The following CAST variants were observed in gnomAD, a reference collection of about 807,000 sequenced individuals.
The protein encoded by CAST is calpastatin.
In CAST, 76 loss-of-function variants were observed where a neutral mutation model predicts 119.6. The observed-to-expected ratio is 0.64, with a 90% CI of 0.53 to 0.77. The LOEUF (loss-of-function observed/expected upper bound fraction) is 0.77, where lower values mean the gene tolerates loss of function less well. Among genes scored for constraint, CAST ranks in the 30% least tolerant of loss-of-function variants. The probability of loss-of-function intolerance (pLI) is 0.00; values close to 1 mark genes in which losing one functional copy is unlikely to be tolerated. For missense variants in CAST, 953 were observed against 946.5 expected, an observed-to-expected ratio of 1.01 and a Z score of -0.09; for synonymous variants, 319 against 331.6, an observed-to-expected ratio of 0.96 and a Z score of 0.41.
the CAST span, among the ~76,000 whole-genome samples, chr5:96,009,225 A>G: frequency 6.6e-6 from 1 of 152,164 alleles, no homozygotes; most frequent in African/African-American, 2.4e-5. Context: ...ATTAGCATCT[A>G]GGTTGGTTTA....
intron 1 of CAST, among the ~76,000 whole-genome samples, chr5:96,655,798 A>T (rs1433923008): frequency 6.6e-6 from 1 of 152,266 alleles, no homozygotes; most frequent in African/African-American, 2.4e-5. Context: ...ATATCAGAAT[A>T]TGCTGCCACT....
the CAST span, among the ~76,000 whole-genome samples, chr5:95,980,005 C>G: frequency 6.6e-6 from 1 of 152,012 alleles, no homozygotes; most frequent in African/African-American, 2.4e-5. Flanking sequence ...GTAATCCCAG[C>G]TACTTGGGAG....
the CAST span, among the ~76,000 whole-genome samples, chr5:96,094,829 G>A: frequency 6.6e-6 from 1 of 152,274 alleles, no homozygotes; most frequent in Admixed American, 6.5e-5. Flanking sequence ...TTGGACTTGT[G>A]TATTACAACA....
At chr5:96,605,983 C>T (rs775213104) in intron 1 of CAST, among the ~76,000 whole-genome samples, 19 of 152,090 alleles carry the variant, frequency 1.2e-4, no homozygotes, top group African/African-American at 1.9e-4. Context: ...CTGCTACTGG[C>T]GGTAAGATTT....
At chr5:96,769,656 T>G (rs1771509869) in intron 29 of CAST, 1 of 151,990 alleles carries the variant, frequency 6.6e-6, no homozygotes, top group Non-Finnish European at 1.5e-5. Context: ...ACCTTAGTCC[T>G]CATGTTATAC....
chr5:96,000,886 T>A, the CAST span, among the ~76,000 whole-genome samples: 1 of 152,166 alleles, frequency 6.6e-6, no homozygotes, highest in Admixed American at 6.5e-5. Flanking sequence ...ATTCTTAGAG[T>A]GGGGACTGTT....
the CAST span, among the ~76,000 whole-genome samples, chr5:95,963,302 C>T: frequency 2.6e-5 from 4 of 152,170 alleles, no homozygotes; most frequent in South Asian, 2.1e-4. Context: ...TAAATGCCTT[C>T]CCCACCGTAC....
At chr5:96,695,153 C>T (rs1753127587) in intron 2 of CAST, among the ~76,000 whole-genome samples, 1 of 152,170 alleles carries the variant, frequency 6.6e-6, no homozygotes, top group Admixed American at 6.5e-5. Context: ...GTTCCTCAGT[C>T]CCCTCACCCA....
chr5:96,176,935 C>G, the CAST span, among the ~76,000 whole-genome samples: 1 of 152,120 alleles, frequency 6.6e-6, no homozygotes, highest in African/African-American at 2.4e-5. Flanking sequence ...TGTCATAGAA[C>G]TTTTTGGAAA....
chr5:96,682,296 C>T (rs1436701271), intron 2 of CAST, among the ~76,000 whole-genome samples: 1 of 152,134 alleles, frequency 6.6e-6, no homozygotes, highest in Non-Finnish European at 1.5e-5. Flanking sequence ...GAAGTTTGCC[C>T]CCCACATATT....
the CAST span, among the ~76,000 whole-genome samples, chr5:96,244,383 G>A: frequency 6.6e-6 from 1 of 152,078 alleles, no homozygotes; most frequent in East Asian, 1.9e-4. Context: ...ATATAGTGTT[G>A]TATTGTTCTG....
At chr5:96,397,729 G>T in the CAST span, among the ~76,000 whole-genome samples, 1 of 152,048 alleles carries the variant, frequency 6.6e-6, no homozygotes, top group Non-Finnish European at 1.5e-5. Context: ...ATGAATGAAT[G>T]AATGAAAATG....
intron 1 of CAST, among the ~76,000 whole-genome samples, chr5:96,671,682 T>C (rs1750093412): frequency 6.6e-6 from 1 of 152,218 alleles, no homozygotes; most frequent in Non-Finnish European, 1.5e-5. Context: ...TGTTAATTTC[T>C]TTTCTGTAAT....
At chr5:95,995,878 C>A in the CAST span, among the ~76,000 whole-genome samples, 8 of 152,234 alleles carry the variant, frequency 5.3e-5, no homozygotes, top group Admixed American at 2.0e-4. Context: ...CAGTAAGAAG[C>A]CATGGAGCAG....
At chr5:96,173,750 CT>C in the CAST span, among the ~76,000 whole-genome samples, 9 of 146,856 alleles carry the variant, frequency 6.1e-5, no homozygotes, top group Admixed American at 6.7e-5. Flanking sequence ...TTTTTTTTTT[CT>C]TTTTTTTTTG....
rs562354067 is a variant in CAST at position 96,698,220 on chromosome 5, A to G, written c.210+2313A>G. On this transcript the variant is annotated intron_variant, in intron 3 of 31. Coordinates refer to ENST00000675179, the MANE Select transcript of CAST (RefSeq NM_001750.7). ...GTTTCTTTTTTTTAACGTAGAAGTT[A>G]CCCTATTTTTCTGAGATGGGATAGT... 1.4e-4 allele frequency among the ~76,000 whole-genome samples: 22 copies of G among 152,222 alleles called. No homozygotes were observed. The South Asian group carries it at 4.6e-3, about 32-fold the overall frequency.
chr5:96,579,425 T>C (rs1316309269), intron 1 of CAST, among the ~76,000 whole-genome samples: 3 of 152,176 alleles, frequency 2.0e-5, no homozygotes, highest in East Asian at 3.9e-4. Context: ...CAGACACTTA[T>C]TGTTAGCAGG....
chr5:96,166,503 A>G, the CAST span, among the ~76,000 whole-genome samples: 1 of 152,188 alleles, frequency 6.6e-6, no homozygotes, highest in East Asian at 1.9e-4. Flanking sequence ...AGGATACAGA[A>G]ACACCATCCA....
rs1219756671 is a variant in CAST, at chr5:96,550,648, C to T, written c.60+20768C>T. ...AAAGGAGCATTGTTCTAAACCATCT[C>T]AAGGAAGCTAAAAATCTTGAAAAAA... On this transcript the variant is annotated intron_variant, in intron 1 of 11. Transcript: ENST00000505143. Among the ~76,000 whole-genome samples the T allele has an allele frequency of 2.6e-5, 4 of 152,126 alleles. 1 individual carries two copies. In the East Asian group the frequency reaches 7.7e-4, roughly 29 times the overall value.
Sources: allele counts gnomAD v4.1 joint callset (sites outside exome capture counted in the v4.1 genomes callset), GRCh38; gene constraint gnomAD v4.1.1; transcripts MANE v1.5; gene names NCBI Gene and HGNC (gene_info 2026-07-23, HGNC 2026-07-21).